Variants in DGKD observed in about 807,000 individuals in gnomAD.
The protein encoded by DGKD is DAG kinase delta.
In DGKD, 68 loss-of-function variants were observed where a neutral mutation model predicts 154.4. That is an observed-to-expected ratio of 0.44 (90% CI 0.36 to 0.54). The LOEUF is 0.54. Ranked by LOEUF, DGKD falls within the 20% of genes least tolerant of loss-of-function variation. DGKD has a pLI of 0.00. For synonymous variants in DGKD, 693 were observed against 638.0 expected (o/e 1.09, Z -1.30); for missense variants, 1,343 against 1,593.6 (o/e 0.84, Z 2.68).
chr2:233,429,016 C>T (rs2062415621), intron 3 of DGKD: 2 of 623,946 alleles, frequency 3.2e-6, no homozygotes, highest in Non-Finnish European at 4.0e-6. Context: ...TGTATCTTAA[C>T]TCACTGTCTT....
At position 233,390,406 on chromosome 2, in the gene DGKD, A is replaced by C. The variant is rs763217681; in HGVS notation, c.271A>C (p.Ile91Leu). 20 of 1,613,800 alleles carry C rather than the reference A, an allele frequency of 1.2e-5. No individual in the cohort carries two copies. The South Asian group carries it at 2.2e-4, about 18-fold the overall frequency. ...CCCTGTGTTTGTCTCTTTCTAGTCA[A>C]TCATATTTGATGAGGTGGATCTGAC... ...TLYYAKTAKS[I>L]IFDEVDLTDA... The change falls in exon 3 of 30, where the codon ATC becomes CTC. Residue 91 changes from isoleucine (I) to leucine (L), a missense_variant. By Grantham distance (5) the Ile-to-Leu change is conservative. This residue lies in a region of DGKD where 332 missense variants were observed against 400.1 expected (regional missense o/e 0.83). Coordinates refer to ENST00000264057, the MANE Select transcript of DGKD (RefSeq NM_152879.3).
chr2:233,408,027 C>T (rs540202270), intron 3 of DGKD, among the ~76,000 whole-genome samples: 19 of 150,358 alleles, frequency 1.3e-4, no homozygotes, highest in Non-Finnish European at 1.9e-4. Flanking sequence ...AACTTTGGCT[C>T]GGAGAGAGGA....
Position 233,458,634 on chromosome 2 carries a change from CAG to C in DGKD, c.2694+240_2694+241del, listed in dbSNP as rs1263528074. ...TTAATTTTTTTTTTTTTTTTTGAGA[CAG>C]AGTCTTGCTCTGTTGCCCAGGCTGG... is the stretch of plus-strand genomic sequence containing the variant. On this transcript the variant is annotated intron_variant, in intron 22 of 29. Transcript: ENST00000264057. The surrounding 1 kb of genome is among the most constrained non-coding windows in gnomAD (Gnocchi z 6.6). Among the ~76,000 whole-genome samples the C allele has an allele frequency of 1.4e-4, 20 of 145,936 alleles. No individual in the cohort carries two copies. The highest frequency in any genetic ancestry group is 2.5e-4 in the Non-Finnish European group (17 of 66,776).
chr2:233,456,493 C>A (rs2063466080), intron 19 of DGKD, among the ~76,000 whole-genome samples: 1 of 152,162 alleles, frequency 6.6e-6, no homozygotes, highest in Admixed American at 6.5e-5. Context: ...CCTACAGGTG[C>A]TGGATTATGC....
At chr2:233,359,234 C>T (rs567851033) in intron 1 of DGKD, among the ~76,000 whole-genome samples, 7 of 152,292 alleles carry the variant, frequency 4.6e-5, no homozygotes, top group East Asian at 1.9e-4. Context: ...TCCCTTAAGA[C>T]GTGGTTTCCT....
At chr2:233,463,900 G>A in intron 26 of DGKD, 1 of 456,658 alleles carries the variant, frequency 2.2e-6, no homozygotes, top group Non-Finnish European at 4.0e-6. Context: ...TCTGACAGAG[G>A]GACACAAGCA....
intron 3 of DGKD, among the ~76,000 whole-genome samples, chr2:233,414,141 G>A (rs2061898477): frequency 6.6e-6 from 1 of 152,164 alleles, no homozygotes; most frequent in Admixed American, 6.5e-5. Flanking sequence ...AGCCCCTGGA[G>A]CAAACACATG....
At chr2:233,378,533 A>G (rs980329415) in intron 1 of DGKD, among the ~76,000 whole-genome samples, 14 of 152,020 alleles carry the variant, frequency 9.2e-5, no homozygotes, top group Non-Finnish European at 1.8e-4. Flanking sequence ...TACAGGCGTG[A>G]TCCACTGTGC....
chr2:233,380,267 G>T (rs947680775), intron 1 of DGKD, among the ~76,000 whole-genome samples: 1 of 152,172 alleles, frequency 6.6e-6, no homozygotes, highest in African/African-American at 2.4e-5. Context: ...GTACATTTCA[G>T]TGTGGAGGCC....
At chr2:233,433,818 C>G (rs1367204158) in intron 3 of DGKD, among the ~76,000 whole-genome samples, 2 of 152,012 alleles carry the variant, frequency 1.3e-5, no homozygotes, top group African/African-American at 4.8e-5. Flanking sequence ...TGATAAGAAC[C>G]CTTTATATAT....
At chr2:233,422,651 A>G (rs1233921389) in intron 3 of DGKD, among the ~76,000 whole-genome samples, 1 of 152,240 alleles carries the variant, frequency 6.6e-6, no homozygotes, top group Non-Finnish European at 1.5e-5. Flanking sequence ...CGCTGCCCAC[A>G]TACGCCCTTG....
chr2:233,380,809 ATCGTT>A, intron 1 of DGKD, among the ~76,000 whole-genome samples: 1 of 152,224 alleles, frequency 6.6e-6, no homozygotes, highest in African/African-American at 2.4e-5. Flanking sequence ...GGGCATACAC[ATCGTT>A]GCCACTTTTT....
intron 10 of DGKD, among the ~76,000 whole-genome samples, chr2:233,444,382 C>A (rs1429734987): frequency 6.6e-6 from 1 of 151,914 alleles, no homozygotes; most frequent in African/African-American, 2.4e-5. Context: ...TGCCTGTGCA[C>A]CCCCCAAGCA....
At chr2:233,428,394 A>C (rs2062387969) in intron 3 of DGKD, among the ~76,000 whole-genome samples, 1 of 152,174 alleles carries the variant, frequency 6.6e-6, no homozygotes, top group South Asian at 2.1e-4. Context: ...AGAGTGGACC[A>C]CTGATACCAG....
intron 1 of DGKD, among the ~76,000 whole-genome samples, chr2:233,357,279 G>A (rs1189332235): frequency 6.6e-6 from 1 of 152,180 alleles, no homozygotes; most frequent in Non-Finnish European, 1.5e-5. Context: ...TGGAGCAGAA[G>A]GACAAAGAAT....
At chr2:233,387,729 C>T (rs1430358235) in intron 1 of DGKD, among the ~76,000 whole-genome samples, 4 of 152,090 alleles carry the variant, frequency 2.6e-5, no homozygotes, top group African/African-American at 9.7e-5. Flanking sequence ...TGTGCAGATG[C>T]ACACGCCAGG....
At chr2:233,450,274 C>T in intron 16 of DGKD, 143 bp downstream of exon 16, 1 of 1,110,752 alleles carries the variant, frequency 9.0e-7, no homozygotes, top group Non-Finnish European at 1.2e-6. Context: ...CGCCCAAGGC[C>T]TGTTTCTGTG....
At chr2:233,367,968 A>G (rs923142665) in intron 1 of DGKD, among the ~76,000 whole-genome samples, 1 of 150,896 alleles carries the variant, frequency 6.6e-6, no homozygotes, top group Admixed American at 6.6e-5. Flanking sequence ...CTGGGATTAC[A>G]GGCATGAGCC....
At position 233,471,944 on chromosome 2, in the gene DGKD, G is replaced by A. The variant is rs1382084254; in HGVS notation, c.*2484G>A. On this transcript the variant is annotated 3_prime_UTR_variant, in exon 30 of 30. Coordinates refer to ENST00000264057, the MANE Select transcript of DGKD (RefSeq NM_152879.3). ...TGGAGAAAAGGTTCTGTGCCCTCAG[G>A]TGGGGCTTACCCCCTCGTATTTATA... 6.6e-6 allele frequency: 1 copy of A among 152,398 alleles called. No individual in the cohort carries two copies. The highest frequency in any genetic ancestry group is 1.5e-5 in the Non-Finnish European group (1 of 68,076). The allele number at this position is 152,398 out of a possible 1,614,324, so 9.4% of individuals were successfully genotyped here.
Sources: allele counts gnomAD v4.1 joint callset (sites outside exome capture counted in the v4.1 genomes callset), GRCh38; gene constraint gnomAD v4.1.1; regional missense constraint gnomAD v4.1.1; non-coding constraint Gnocchi (gnomAD v3.1); transcripts MANE v1.5; gene names NCBI Gene and HGNC (gene_info 2026-07-23, HGNC 2026-07-21).